Variants in MAPRE2 observed in about 807,000 individuals in gnomAD.
MAPRE2 encodes the protein microtubule associated protein RP/EB family member 2.
A neutral mutation model predicts 43.2 loss-of-function variants in MAPRE2; 13 were observed. The ratio of observed to expected loss-of-function variants is 0.30; its 90% confidence interval spans 0.20 to 0.48. The LOEUF (loss-of-function observed/expected upper bound fraction) is 0.48, where lower values mean the gene tolerates loss of function less well. Ranked by LOEUF, MAPRE2 falls within the 20% of genes least tolerant of loss-of-function variation. The probability of loss-of-function intolerance (pLI) is 0.99; values close to 1 mark genes in which losing one functional copy is unlikely to be tolerated. For synonymous variants in MAPRE2, 135 were observed against 148.8 expected, an observed-to-expected ratio of 0.91 and a Z score of 0.68; for missense variants, 161 against 400.2, an observed-to-expected ratio of 0.40 and a Z score of 5.10.
intron 1 of MAPRE2, among the ~76,000 whole-genome samples, chr18:34,980,156 G>A (rs574133032): frequency 1.3e-5 from 2 of 150,028 alleles, no homozygotes; most frequent in African/African-American, 4.9e-5. Flanking sequence ...CTCCTGAGTA[G>A]CTGGGATTAC....
chr18:35,059,472 A>G (rs1906408863), intron 1 of MAPRE2, among the ~76,000 whole-genome samples: 1 of 152,162 alleles, frequency 6.6e-6, no homozygotes, highest in East Asian at 1.9e-4. Flanking sequence ...TTCAGCATTT[A>G]TTTATTGTGT....
At chr18:35,118,616 C>G (rs1336020925) in intron 4 of MAPRE2, among the ~76,000 whole-genome samples, 2 of 152,178 alleles carry the variant, frequency 1.3e-5, no homozygotes, top group South Asian at 2.1e-4. Flanking sequence ...TCTGCAGCTC[C>G]CCTCAGCCTC....
intron 1 of MAPRE2, among the ~76,000 whole-genome samples, chr18:34,981,065 T>C (rs2097015955): frequency 6.6e-6 from 1 of 152,006 alleles, no homozygotes; most frequent in South Asian, 2.1e-4. Context: ...GAGGCACTTC[T>C]GAAATGTTAA....
upstream of MAPRE2, among the ~76,000 whole-genome samples, chr18:35,040,339 A>C (rs1437353358): frequency 6.6e-6 from 1 of 152,202 alleles, no homozygotes; most frequent in Non-Finnish European, 1.5e-5. Flanking sequence ...TTTTCACAAC[A>C]GTCATCTTGG....
At chr18:34,981,868 T>C (rs111768419) in intron 1 of MAPRE2, among the ~76,000 whole-genome samples, 1 of 123,170 alleles carries the variant, frequency 8.1e-6, no homozygotes, top group Non-Finnish European at 1.6e-5. Flanking sequence ...TTATTTATTT[T>C]TTTTTTTTAT....
intron 2 of MAPRE2, among the ~76,000 whole-genome samples, chr18:35,075,311 G>T (rs930238111): frequency 6.6e-6 from 1 of 152,156 alleles, no homozygotes. Flanking sequence ...ACCATTTTTG[G>T]CCGCAGATTT....
intron 1 of MAPRE2, among the ~76,000 whole-genome samples, chr18:34,977,415 G>GA (rs1335838067): frequency 6.6e-6 from 1 of 152,230 alleles, no homozygotes; most frequent in Non-Finnish European, 1.5e-5. Context: ...GAGGGGTGAG[G>GA]CTGGGGCTGT....
At chr18:35,124,172 G>T (rs922444375) in intron 4 of MAPRE2, among the ~76,000 whole-genome samples, 1 of 152,148 alleles carries the variant, frequency 6.6e-6, no homozygotes, top group African/African-American at 2.4e-5. Context: ...GGCTAGGGAG[G>T]CCTCAGAAAA....
At chr18:35,013,240 A>G (rs1004661135) in intron 2 of MAPRE2, among the ~76,000 whole-genome samples, 5 of 152,116 alleles carry the variant, frequency 3.3e-5, no homozygotes, top group African/African-American at 9.7e-5. Context: ...TACTGACTAT[A>G]AAGATGGAGA....
At chr18:35,132,971 G>A (rs1349577018) in intron 6 of MAPRE2, among the ~76,000 whole-genome samples, 1 of 152,192 alleles carries the variant, frequency 6.6e-6, no homozygotes, top group African/African-American at 2.4e-5. Flanking sequence ...ACCTTCCACA[G>A]AGCCAAGTTG....
chr18:35,114,462 T>G (rs933247894), intron 4 of MAPRE2, among the ~76,000 whole-genome samples: 1 of 152,222 alleles, frequency 6.6e-6, no homozygotes, highest in African/African-American at 2.4e-5. Flanking sequence ...CATTTATAGA[T>G]GCAGGAAATG....
chr18:35,140,420 T>C lies in MAPRE2; in HGVS notation c.*51T>C, dbSNP rs1053560719. The C allele has an allele frequency of 7.2e-6, 11 of 1,519,230 alleles. No homozygotes were observed. In the African/African-American group the frequency reaches 1.5e-4, roughly 21 times the overall value. 94.1% of individuals were successfully genotyped at this position (1,519,230 alleles called of 1,614,324 possible). ...CCATTGTGTGTGGGAACGTTTCTTC[T>C]GGAGAATTGGAACATGTGTGGCCCC... On this transcript the variant is annotated 3_prime_UTR_variant, in exon 7 of 7. Coordinates refer to ENST00000300249, the MANE Select transcript of MAPRE2 (RefSeq NM_014268.4).
At chr18:34,981,887 A>AAAT (rs1568959672) in intron 1 of MAPRE2, among the ~76,000 whole-genome samples, 11 of 34,782 alleles carry the variant, frequency 3.2e-4, no homozygotes, top group Non-Finnish European at 8.4e-4. Flanking sequence ...ATTTTTATTT[A>AAAT]TTTTTTTTTT....
At chr18:35,079,923 G>A (rs541109632) in intron 2 of MAPRE2, among the ~76,000 whole-genome samples, 2 of 152,362 alleles carry the variant, frequency 1.3e-5, no homozygotes, top group South Asian at 2.1e-4. Context: ...TACATTGCAT[G>A]TGTAAGACAT....
intron 2 of MAPRE2, among the ~76,000 whole-genome samples, chr18:35,091,082 G>C (rs1908127220): frequency 6.6e-6 from 1 of 152,150 alleles, no homozygotes. Flanking sequence ...TAAATGGAAA[G>C]CCATGCCATG....
chr18:34,980,385 C>T (rs776606607), intron 1 of MAPRE2, among the ~76,000 whole-genome samples: 6 of 152,090 alleles, frequency 3.9e-5, no homozygotes, highest in Non-Finnish European at 7.4e-5. Flanking sequence ...ATATTTTTGG[C>T]CGTTGAACTT....
At chr18:35,108,810 T>C (rs992191595) in intron 4 of MAPRE2, among the ~76,000 whole-genome samples, 2 of 152,084 alleles carry the variant, frequency 1.3e-5, no homozygotes, top group Non-Finnish European at 2.9e-5. Context: ...CTTTGCCCAC[T>C]TTCTAATGGG....
chr18:34,978,170 C>G, intron 1 of MAPRE2: 1 of 365,706 alleles, frequency 2.7e-6, no homozygotes, highest in Non-Finnish European at 5.0e-6. Context: ...CACTGCTGTC[C>G]CCTCCCTGAT....
chr18:35,077,258 CACACACACACACAT>C (rs751028431), intron 2 of MAPRE2, among the ~76,000 whole-genome samples: 15,875 of 137,590 alleles, frequency 0.12, 1,288 homozygotes, highest in East Asian at 0.28. Flanking sequence ...CGCACACACA[CACACACACACACAT>C]ACACACACAC....
Sources: allele counts gnomAD v4.1 joint callset (sites outside exome capture counted in the v4.1 genomes callset), GRCh38; gene constraint gnomAD v4.1.1; transcripts MANE v1.5; gene names NCBI Gene and HGNC (gene_info 2026-07-23, HGNC 2026-07-21).